The following PHIP variants were observed in gnomAD, a reference collection of about 807,000 sequenced individuals.
The protein encoded by PHIP is PHIP subunit of CUL4-Ring ligase complex, also known as PH-interacting protein.
A neutral mutation model predicts 236.8 loss-of-function variants in PHIP; 54 were observed. The ratio of observed to expected loss-of-function variants is 0.23; its 90% CI spans 0.18 to 0.29. The LOEUF (loss-of-function observed/expected upper bound fraction) is 0.29, where lower values mean the gene tolerates loss of function less well. Among genes scored for constraint, PHIP ranks in the 10% least tolerant of loss-of-function variants. The pLI, the probability that PHIP is intolerant of heterozygous loss-of-function variation, is 1.00. For missense variants in PHIP, 1,370 were observed against 2,190.8 expected (o/e 0.63, Z 7.48); for synonymous variants, 756 against 718.9 (o/e 1.05, Z -0.83).
In PHIP at chr6:79,078,082, T is replaced by G; in HGVS notation, c.-14A>C. 1 of 1,606,636 alleles carries G rather than the reference T, an allele frequency of 6.2e-7. No homozygotes were observed. Among genetic ancestry groups the G allele is most frequent in the South Asian group, 1.1e-5 (1 of 90,712 alleles). The stretch of plus-strand genomic sequence containing the variant: ...CTCACAAGACATGTTTATGGGTCAC[T>G]TCAGGGCCGCCGACGGGACACCCCG... On this transcript the variant is annotated 5_prime_UTR_variant, in exon 1 of 40. Transcript: ENST00000275034.
chr6:78,982,380 C>G lies in PHIP; in HGVS notation c.2769+506G>C, dbSNP rs1458717849. ...CAAAGGACTGAAAACTTATAGCTCACACACTGTAGATTAATGAAGGAATGT... is the reference window on the plus strand; with the variant it reads ...CAAAGGACTGAAAACTTATAGCTCAGACACTGTAGATTAATGAAGGAATGT... On this transcript the variant is annotated intron_variant, in intron 23 of 39. Transcript: ENST00000275034. Among the ~76,000 whole-genome samples, 4 of 152,020 alleles carry G rather than the reference C, an allele frequency of 2.6e-5. No homozygotes were observed. In the South Asian group the frequency reaches 8.3e-4, roughly 31 times the overall value.
Position 78,960,610 on chromosome 6 carries a change from TAAG to T in PHIP, c.3656+1077_3656+1079del, listed in dbSNP as rs557946549. 2.0e-4 allele frequency among the ~76,000 whole-genome samples: 31 copies of T among 152,246 alleles called. No homozygotes were observed. In the East Asian group the frequency reaches 4.2e-3, roughly 21 times the overall value. ...TCAAGGAAGCAACAGCAAGTACACC[TAAG>T]AAGATCAGAAAAATCTTTAGAAACT... On this transcript the variant is annotated intron_variant, in intron 31 of 39. Coordinates refer to ENST00000275034, the MANE Select transcript of PHIP (RefSeq NM_017934.7).
At chr6:78,977,769 G>T (rs1768213894) in intron 24 of PHIP, among the ~76,000 whole-genome samples, 1 of 152,126 alleles carries the variant, frequency 6.6e-6, no homozygotes, top group African/African-American at 2.4e-5. Flanking sequence ...GTAATGTTCT[G>T]TGCTCTTCAA....
At chr6:79,028,415 A>C (rs139092719) in intron 7 of PHIP, among the ~76,000 whole-genome samples, 3 of 152,318 alleles carry the variant, frequency 2.0e-5, no homozygotes, top group African/African-American at 7.2e-5. Flanking sequence ...TATAGCAAAA[A>C]AGAATAATCA....
At chr6:79,024,336 T>C (rs907202732) in intron 9 of PHIP, among the ~76,000 whole-genome samples, 1 of 152,306 alleles carries the variant, frequency 6.6e-6, no homozygotes, top group South Asian at 2.1e-4. Context: ...CAGTCAGAGA[T>C]AATTACTGAT....
At chr6:79,010,134 GAGAA>G (rs1474610607) in intron 15 of PHIP, among the ~76,000 whole-genome samples, 3 of 151,698 alleles carry the variant, frequency 2.0e-5, no homozygotes, top group Non-Finnish European at 4.4e-5. Flanking sequence ...AGAAAAGAAA[GAGAA>G]AGAGAGAGAC....
At chr6:78,946,384 G>C in intron 37 of PHIP, 124 bp from the exon 38 acceptor site, 1 of 1,385,602 alleles carries the variant, frequency 7.2e-7, no homozygotes, top group Admixed American at 2.5e-5. Flanking sequence ...GAGATTTATA[G>C]TGGATTTCAT....
At chr6:79,049,038 C>T (rs771319139) in intron 6 of PHIP, among the ~76,000 whole-genome samples, 1 of 151,584 alleles carries the variant, frequency 6.6e-6, no homozygotes, top group Non-Finnish European at 1.5e-5. Context: ...ATTAATTTTA[C>T]TTAATTCATT....
At chr6:78,972,192 G>A (rs1457704279) in intron 24 of PHIP, among the ~76,000 whole-genome samples, 2 of 152,210 alleles carry the variant, frequency 1.3e-5, no homozygotes, top group East Asian at 1.9e-4. Flanking sequence ...AGAACGGGCA[G>A]ACTGCCTCCT....
Position 79,074,431 on chromosome 6 carries a change from T to C in PHIP, c.189+3017A>G, listed in dbSNP as rs145553985. Among the ~76,000 whole-genome samples, 267 of 152,122 alleles carry C rather than the reference T, an allele frequency of 1.8e-3. 1 individual carries two copies. Among genetic ancestry groups the C allele is most frequent in the African/African-American group, 6.1e-3 (253 of 41,546 alleles). On this transcript the variant is annotated intron_variant, in intron 4 of 39. Coordinates refer to ENST00000275034, the MANE Select transcript of PHIP (RefSeq NM_017934.7). Reference sequence around the variant, plus strand: ...TAGATTCACTATTCAAACTAAGAAATAAACAAATGACAAAGCTTTCCTTTC... The same window carrying C: ...TAGATTCACTATTCAAACTAAGAAACAAACAAATGACAAAGCTTTCCTTTC...
At chr6:78,974,526 C>T (rs1474590053) in intron 24 of PHIP, among the ~76,000 whole-genome samples, 2 of 151,680 alleles carry the variant, frequency 1.3e-5, no homozygotes, top group Non-Finnish European at 2.9e-5. Flanking sequence ...TAACTAAGAT[C>T]AGAGCAGAAC....
At chr6:78,964,077 A>C (rs1224961811) in intron 29 of PHIP, among the ~76,000 whole-genome samples, 1 of 152,234 alleles carries the variant, frequency 6.6e-6, no homozygotes, top group Non-Finnish European at 1.5e-5. Context: ...TTGCTATCAT[A>C]TTCACAACAG....
At chr6:78,975,003 A>AT (rs907407179) in intron 24 of PHIP, among the ~76,000 whole-genome samples, 6 of 151,576 alleles carry the variant, frequency 4.0e-5, no homozygotes, top group African/African-American at 1.5e-4. Context: ...AAAAGAGGGA[A>AT]TCCCCCCTAA....
At chr6:78,988,928 A>C (rs143166126) in intron 20 of PHIP, among the ~76,000 whole-genome samples, 4,362 of 152,316 alleles carry the variant, frequency 0.029, 85 homozygotes, top group Non-Finnish European at 0.042. Flanking sequence ...CCCTGCCACT[A>C]TGAAGATAAG....
chr6:78,969,985 A>G lies in PHIP; in HGVS notation c.3122+64T>C, dbSNP rs1032853673. On this transcript the variant is annotated intron_variant, in intron 26 of 39. Coordinates refer to ENST00000275034, the MANE Select transcript of PHIP (RefSeq NM_017934.7). Reference sequence around the variant, plus strand: ...AAATACCTAAAAGATGTTCAAATGTATCTGAATCTTGAAAAACAATCTACA... The same window carrying G: ...AAATACCTAAAAGATGTTCAAATGTGTCTGAATCTTGAAAAACAATCTACA... 17 of 1,591,936 alleles carry G rather than the reference A, an allele frequency of 1.1e-5. No homozygotes were observed. The African/African-American group carries it at 2.0e-4, about 19-fold the overall frequency.
chr6:78,935,189 A>T lies in PHIP; in HGVS notation c.*5504T>A, dbSNP rs1174766911. Among the ~76,000 whole-genome samples, 2 of 152,208 alleles carry T rather than the reference A, an allele frequency of 1.3e-5. No individual in the cohort carries two copies. Among genetic ancestry groups the T allele is most frequent in the South Asian group, 4.1e-4 (2 of 4,834 alleles). On this transcript the variant is annotated 3_prime_UTR_variant, in exon 40 of 40. Transcript: ENST00000275034. ...ATTGTTATTAGCAGACTTCATAAAG[A>T]AAAGGTTATCAGGAATTTTTTTTAC...
intron 29 of PHIP, 97 bp from the exon 30 acceptor site, chr6:78,963,349 T>C (rs189867963): frequency 1.1e-6 from 1 of 907,620 alleles, no homozygotes; most frequent in Non-Finnish European, 1.6e-6. Flanking sequence ...AATTAAAGTA[T>C]ATTTTGTATA....
chr6:78,956,763 TCTC>T (rs1208006201), intron 32 of PHIP: 2 of 152,140 alleles, frequency 1.3e-5, no homozygotes, highest in Non-Finnish European at 2.9e-5. Flanking sequence ...TTAACAGACT[TCTC>T]CTCCCCTGTA....
At position 79,051,660 on chromosome 6, in the gene PHIP, A is replaced by G. The variant is rs184086651; in HGVS notation, c.440-8657T>C. Among the ~76,000 whole-genome samples the G allele has an allele frequency of 7.5e-4, 114 of 152,288 alleles. 1 individual carries two copies. Among genetic ancestry groups the G allele is most frequent in the African/African-American group, 2.7e-3 (112 of 41,570 alleles). On this transcript the variant is annotated intron_variant, in intron 6 of 39. Transcript: ENST00000275034. ...TACTAAACTGAAATAAAATACAGAA[A>G]ATGATGATTCCAAGAAGTAAGCAAA...
Sources: gnomAD v4.1 joint callset for allele counts (sites outside exome capture counted in the v4.1 genomes callset) on GRCh38, gnomAD v4.1.1 for gene constraint, MANE v1.5 for transcripts, NCBI Gene and HGNC (gene_info 2026-07-23, HGNC 2026-07-21) for gene names.